Variants in SLC7A9 observed in about 807,000 individuals in gnomAD.
SLC7A9 encodes the protein B(0,+)-type amino acid transporter 1.
SLC7A9 carries 38 observed loss-of-function variants against 54.1 expected under a neutral mutation model. The observed-to-expected ratio is 0.70, with a 90% confidence interval of 0.54 to 0.92. The LOEUF is 0.92. Among genes scored for constraint, SLC7A9 ranks in the 40% least tolerant of loss-of-function variants. The probability of loss-of-function intolerance (pLI) is 0.00; values close to 1 mark genes in which losing one functional copy is unlikely to be tolerated. For synonymous variants in SLC7A9, 264 were observed against 258.9 expected (o/e 1.02, Z -0.19); for missense variants, 537 against 636.1 (o/e 0.84, Z 1.68).
intron 9 of SLC7A9, among the ~76,000 whole-genome samples, chr19:32,851,136 A>T (rs1968454495): frequency 6.6e-6 from 1 of 152,202 alleles, no homozygotes; most frequent in Admixed American, 6.5e-5. Flanking sequence ...TGTCTAAAAC[A>T]CCAAAAGCAA....
At chr19:32,854,478 T>C (rs1390578212) in intron 9 of SLC7A9, among the ~76,000 whole-genome samples, 1 of 152,116 alleles carries the variant, frequency 6.6e-6, no homozygotes, top group African/African-American at 2.4e-5. Context: ...TGGACCCTTA[T>C]CTCACCCCTT....
chr19:32,837,009 G>T (rs1967976961), intron 11 of SLC7A9, among the ~76,000 whole-genome samples: 2 of 152,124 alleles, frequency 1.3e-5, no homozygotes, highest in African/African-American at 4.8e-5. Context: ...AATGGCTGAT[G>T]TAAGTCCAAT....
chr19:32,851,645 A>G (rs555291429), intron 9 of SLC7A9, among the ~76,000 whole-genome samples: 139 of 152,124 alleles, frequency 9.1e-4, no homozygotes, highest in African/African-American at 3.2e-3. Context: ...TAGAAATACC[A>G]TTTGACCCAG....
At position 32,842,298 on chromosome 19, in the gene SLC7A9, T is replaced by C; in HGVS notation, c.1094A>G (p.Tyr365Cys). 6.2e-7 allele frequency: 1 copy of C among 1,613,976 alleles called. No homozygotes were observed. The highest frequency in any genetic ancestry group is 8.5e-7 in the Non-Finnish European group (1 of 1,179,852). ...CGAGTTTATGTCACCAGGGATGATATAAATCGTTGCTATGATACCCTAATA... is the reference window on the plus strand; with the variant it reads ...CGAGTTTATGTCACCAGGGATGATACAAATCGTTGCTATGATACCCTAATA... ...IIFYGIIATIYIIPGDINSLV... is the reference protein window; with the variant it reads ...IIFYGIIATICIIPGDINSLV... Residue 365 changes from tyrosine to cysteine, a missense_variant, in exon 11 of 13, where the codon TAT becomes TGT. Physicochemically the swap from Tyr to Cys is radical, Grantham distance 194. Coordinates refer to ENST00000023064, the MANE Select transcript of SLC7A9 (RefSeq NM_014270.5).
At chr19:32,860,219 C>CCCAAA (rs756373305) in intron 7 of SLC7A9, 29 of 1,436,686 alleles carry the variant, frequency 2.0e-5, no homozygotes, top group Non-Finnish European at 2.2e-5. Flanking sequence ...ACTGCTCTGT[C>CCCAAA]CCAAACCAAA....
intron 3 of SLC7A9, 69 bp from the exon 4 acceptor site, chr19:32,864,407 T>C: frequency 6.2e-7 from 1 of 1,604,096 alleles, no homozygotes. Flanking sequence ...GGAGCCTTCC[T>C]CCCACCGGAG....
intron 9 of SLC7A9, among the ~76,000 whole-genome samples, chr19:32,845,495 C>G (rs1041404360): frequency 2.0e-5 from 3 of 152,108 alleles, no homozygotes; most frequent in African/African-American, 7.2e-5. Context: ...GAACAAGACT[C>G]TGTCTCAAAC....
intron 9 of SLC7A9, among the ~76,000 whole-genome samples, chr19:32,853,071 C>A (rs138490492): frequency 1.3e-5 from 2 of 151,918 alleles, no homozygotes; most frequent in African/African-American, 4.8e-5. Flanking sequence ...CCACCACGTC[C>A]GGCTAATTTT....
chr19:32,853,916 CAAAAAA>C (rs139253538), intron 9 of SLC7A9, among the ~76,000 whole-genome samples: 1 of 119,840 alleles, frequency 8.3e-6, no homozygotes, highest in Non-Finnish European at 1.8e-5. Context: ...GATCCTGTCT[CAAAAAA>C]AAAAAAAAAA....
Position 32,864,364 on chromosome 19 carries a change from C to T in SLC7A9, c.236-26G>A, listed in dbSNP as rs111305008. ...CTGGAACACAGAGAGGAAGGGCCCA[C>T]AGGCCCCTTGTGAGGCACTGCCCCG... On this transcript the variant is annotated intron_variant, in intron 3 of 12. Coordinates refer to ENST00000023064, the MANE Select transcript of SLC7A9 (RefSeq NM_014270.5). 77 of 1,613,220 alleles carry T rather than the reference C, an allele frequency of 4.8e-5. 1 individual carries two copies. The African/African-American group carries it at 7.5e-4, about 16-fold the overall frequency.
chr19:32,839,825 C>T (rs967205672), intron 11 of SLC7A9, among the ~76,000 whole-genome samples: 1 of 152,120 alleles, frequency 6.6e-6, no homozygotes, highest in African/African-American at 2.4e-5. Context: ...ATGCCCAAAG[C>T]ATTTTTTTAA....
intron 9 of SLC7A9, among the ~76,000 whole-genome samples, chr19:32,846,940 C>T (rs1256735557): frequency 1.3e-5 from 2 of 152,208 alleles, no homozygotes; most frequent in African/African-American, 4.8e-5. Context: ...TGGAGTAGAC[C>T]TCTAGAAAAC....
chr19:32,841,829 C>T (rs1467535021), intron 11 of SLC7A9, among the ~76,000 whole-genome samples: 1 of 152,108 alleles, frequency 6.6e-6, no homozygotes, highest in African/African-American at 2.4e-5. Context: ...GTTGCCTGAA[C>T]CGGGGAGGCA....
At chr19:32,856,765 C>T (rs1411771271) in intron 9 of SLC7A9, among the ~76,000 whole-genome samples, 5 of 152,118 alleles carry the variant, frequency 3.3e-5, no homozygotes, top group Non-Finnish European at 4.4e-5. Flanking sequence ...TTTGTAGAGA[C>T]GGAGTCTCAC....
intron 9 of SLC7A9, among the ~76,000 whole-genome samples, chr19:32,846,496 G>A (rs1199474536): frequency 6.6e-6 from 1 of 152,206 alleles, no homozygotes; most frequent in African/African-American, 2.4e-5. Context: ...GCCCAGGCTT[G>A]ATTAGGTAAA....
At position 32,830,538 on chromosome 19, in the gene SLC7A9, G is replaced by A. The variant is rs537630298; in HGVS notation, c.*82C>T. On this transcript the variant is annotated 3_prime_UTR_variant, in exon 13 of 13. Coordinates refer to ENST00000023064, the MANE Select transcript of SLC7A9 (RefSeq NM_014270.5). ...TTAAACATCTGAGTATATTTTATTC[G>A]TAAGAAAAAAAGGAAGAAATAACCA... The A allele has an allele frequency of 6.0e-4, 631 of 1,052,376 alleles. 2 individuals carry two copies. Among genetic ancestry groups the A allele is most frequent in the South Asian group, 2.1e-3 (163 of 79,468 alleles). 65.2% of individuals were successfully genotyped at this position (1,052,376 alleles called of 1,614,324 possible).
At chr19:32,847,922 T>A (rs1968348779) in intron 9 of SLC7A9, among the ~76,000 whole-genome samples, 1 of 152,136 alleles carries the variant, frequency 6.6e-6, no homozygotes, top group African/African-American at 2.4e-5. Context: ...CAGAATTTCG[T>A]ACCCACCCAA....
intron 9 of SLC7A9, among the ~76,000 whole-genome samples, chr19:32,857,783 TG>T (rs1968670285): frequency 6.6e-6 from 1 of 152,182 alleles, no homozygotes; most frequent in Non-Finnish European, 1.5e-5. Flanking sequence ...ACAACACAGC[TG>T]GTGGCAGTCT....
At chr19:32,853,654 C>A (rs1435714483) in intron 9 of SLC7A9, among the ~76,000 whole-genome samples, 3 of 151,990 alleles carry the variant, frequency 2.0e-5, no homozygotes, top group Non-Finnish European at 4.4e-5. Flanking sequence ...CAGTGGCTCA[C>A]GCCTGTAATC....
Sources: gnomAD v4.1 joint callset for allele counts (sites outside exome capture counted in the v4.1 genomes callset) on GRCh38, gnomAD v4.1.1 for gene constraint, MANE v1.5 for transcripts, NCBI Gene and HGNC (gene_info 2026-07-23, HGNC 2026-07-21) for gene names.